Variants in HSPA12A observed in about 807,000 individuals in gnomAD.
The protein encoded by HSPA12A is heat shock protein family A (Hsp70) member 12A.
Under a neutral mutation model 69.2 loss-of-function variants are expected in HSPA12A, and 28 were observed. The ratio of observed to expected loss-of-function variants is 0.40; its 90% CI spans 0.30 to 0.55. The LOEUF is 0.55. Ranked by LOEUF, HSPA12A falls within the 20% of genes least tolerant of loss-of-function variation. The pLI is 0.38. For missense variants in HSPA12A, 686 were observed against 900.7 expected, an observed-to-expected ratio of 0.76 and a Z score of 3.05; for synonymous variants, 345 against 370.5, an observed-to-expected ratio of 0.93 and a Z score of 0.79.
intron 6 of HSPA12A, among the ~76,000 whole-genome samples, chr10:116,684,903 C>A (rs1323984470): frequency 6.6e-6 from 1 of 152,146 alleles, no homozygotes; most frequent in Non-Finnish European, 1.5e-5. Flanking sequence ...CCTGGGACAA[C>A]CCTTCTGAGG....
In HSPA12A at chr10:116,742,512, G is replaced by A; in HGVS notation, c.-43C>T. ...CCGCGAGGGGAGCCTCCAGCGCAGC[G>A]CCCGTGCCCGTGCGGGTCTCTGTCC... is the stretch of plus-strand genomic sequence containing the variant. On this transcript the variant is annotated 5_prime_UTR_variant, in exon 1 of 12. Coordinates refer to ENST00000369209, the MANE Select transcript of HSPA12A (RefSeq NM_025015.3). The A allele has an allele frequency of 1.6e-6, 2 of 1,232,940 alleles. No homozygotes were observed. Among genetic ancestry groups the A allele is most frequent in the Non-Finnish European group, 1.0e-6 (1 of 986,974 alleles). The allele number at this position is 1,232,940 out of a possible 1,614,324, so 76.4% of individuals were successfully genotyped here. A position where few individuals can be genotyped will look rare whatever the true frequency, so the allele number is the denominator to read the frequency against.
At chr10:116,767,572 G>C (rs1333082345) in intron 2 of HSPA12A, among the ~76,000 whole-genome samples, 1 of 152,202 alleles carries the variant, frequency 6.6e-6, no homozygotes, top group African/African-American at 2.4e-5. Flanking sequence ...AAACAGACTG[G>C]GTGGGGCACA....
chr10:116,830,009 C>A (rs990338043), intron 2 of HSPA12A: 1 of 152,244 alleles, frequency 6.6e-6, no homozygotes, highest in Non-Finnish European at 1.5e-5. Context: ...GAACGAAACT[C>A]GTGTTCACCA....
At chr10:116,817,216 G>A (rs1589723527) in intron 2 of HSPA12A, among the ~76,000 whole-genome samples, 1 of 151,758 alleles carries the variant, frequency 6.6e-6, no homozygotes, top group Admixed American at 6.6e-5. Context: ...AACTTCTACC[G>A]CCAGTGGCTT....
At chr10:116,849,971 G>A (rs2133236431), upstream of HSPA12A, 1 of 692,362 alleles carries the variant, frequency 1.4e-6, no homozygotes, top group Non-Finnish European at 2.6e-6. Context: ...AGGGCGCTAG[G>A]CGTATTTGAC....
intron 2 of HSPA12A, among the ~76,000 whole-genome samples, chr10:116,765,829 G>A (rs1192928590): frequency 2.0e-5 from 3 of 152,188 alleles, no homozygotes; most frequent in Non-Finnish European, 2.9e-5. Context: ...TTGCCTTAGC[G>A]TAGACAAACA....
chr10:116,815,748 C>G lies in HSPA12A; in HGVS notation c.91+19187G>C, dbSNP rs1266914482. 4.6e-5 allele frequency among the ~76,000 whole-genome samples: 7 copies of G among 152,296 alleles called. No individual in the cohort carries two copies. In the East Asian group the frequency reaches 1.3e-3, roughly 29 times the overall value. Reference sequence around the variant, plus strand: ...CAACTCCCCCACCAAACGCTGCCAGCCACAAATCCTTCTTTTCAGTGCACT... The same window carrying G: ...CAACTCCCCCACCAAACGCTGCCAGGCACAAATCCTTCTTTTCAGTGCACT... On this transcript the variant is annotated intron_variant, in intron 2 of 12. Coordinates refer to the HSPA12A transcript ENST00000635765.
At chr10:116,692,549 G>T in intron 5 of HSPA12A, 82 bp from the exon 6 acceptor site, 1 of 1,049,256 alleles carries the variant, frequency 9.5e-7, no homozygotes, top group Non-Finnish European at 1.5e-6. Flanking sequence ...CTGAACCCAG[G>T]CTTCCTGCCA....
intron 9 of HSPA12A, among the ~76,000 whole-genome samples, chr10:116,680,108 A>C (rs1053568791): frequency 6.6e-6 from 1 of 152,082 alleles, no homozygotes; most frequent in Admixed American, 6.5e-5. Flanking sequence ...CTCCTGCTTC[A>C]GCCTCCCGAG....
intron 1 of HSPA12A, among the ~76,000 whole-genome samples, chr10:116,838,162 A>T (rs1318661775): frequency 6.6e-6 from 1 of 152,180 alleles, no homozygotes; most frequent in Non-Finnish European, 1.5e-5. Context: ...TGGTCTAGGC[A>T]CAGGAAAGTG....
intron 2 of HSPA12A, among the ~76,000 whole-genome samples, chr10:116,754,993 G>A (rs917642225): frequency 2.0e-5 from 3 of 151,636 alleles, no homozygotes; most frequent in South Asian, 2.1e-4. Flanking sequence ...TCACTCTGTC[G>A]CCCAGGCTGG....
At chr10:116,749,524 G>A (rs1480041854) in intron 2 of HSPA12A, among the ~76,000 whole-genome samples, 5 of 152,220 alleles carry the variant, frequency 3.3e-5, no homozygotes, top group Non-Finnish European at 5.9e-5. Flanking sequence ...TCAAGAACAC[G>A]TTTGTCTGTC....
intron 1 of HSPA12A, among the ~76,000 whole-genome samples, chr10:116,729,427 T>G (rs1467696710): frequency 6.6e-6 from 1 of 152,158 alleles, no homozygotes; most frequent in East Asian, 1.9e-4. Context: ...ACATGGTGGT[T>G]ACATGACTAC....
intron 1 of HSPA12A, among the ~76,000 whole-genome samples, chr10:116,740,031 C>T (rs1042200932): frequency 2.0e-5 from 3 of 152,210 alleles, no homozygotes; most frequent in African/African-American, 7.2e-5. Context: ...TTTGTGGCAC[C>T]CATCCTTTTG....
At chr10:116,702,370 T>G (rs1371817061) in intron 3 of HSPA12A, among the ~76,000 whole-genome samples, 1 of 152,070 alleles carries the variant, frequency 6.6e-6, no homozygotes, top group African/African-American at 2.4e-5. Context: ...GCCACTTTCC[T>G]CACCCACTGG....
At chr10:116,786,138 G>A (rs574332780) in intron 2 of HSPA12A, among the ~76,000 whole-genome samples, 36 of 152,302 alleles carry the variant, frequency 2.4e-4, no homozygotes, top group South Asian at 6.2e-4. Context: ...GAGATGGAGC[G>A]GGTTCTGCAG....
In HSPA12A at chr10:116,673,360, T is replaced by G. The variant is rs1849139176; in HGVS notation, c.*1421A>C. 3 of 151,858 alleles carry G rather than the reference T, an allele frequency of 2.0e-5. No homozygotes were observed. Among genetic ancestry groups the G allele is most frequent in the Admixed American group, 2.0e-4 (3 of 15,242 alleles). The allele number at this position is 151,858 out of a possible 1,614,324, so 9.4% of individuals were successfully genotyped here. ...ATCTCCAAGCCAGGTGGAGCCCCAA[T>G]CCCATTGACCAAGAGGGCAAGGTAT... On this transcript the variant is annotated 3_prime_UTR_variant, in exon 12 of 12. Transcript: ENST00000369209.
chr10:116,818,602 C>T (rs554471770), intron 2 of HSPA12A, among the ~76,000 whole-genome samples: 10 of 151,756 alleles, frequency 6.6e-5, no homozygotes, highest in South Asian at 2.1e-4. Flanking sequence ...ATGGCAGTGA[C>T]GTATGGAAGG....
chr10:116,844,897 A>G (rs1398693759), intron 1 of HSPA12A, among the ~76,000 whole-genome samples: 4 of 152,242 alleles, frequency 2.6e-5, no homozygotes, highest in African/African-American at 9.6e-5. Context: ...TTCATTTAGG[A>G]AATATCTGAC....
Sources: allele counts gnomAD v4.1 joint callset (sites outside exome capture counted in the v4.1 genomes callset), GRCh38; gene constraint gnomAD v4.1.1; transcripts MANE v1.5; gene names NCBI Gene and HGNC (gene_info 2026-07-23, HGNC 2026-07-21).